SPOCK1: variants seen among roughly 807,000 people sequenced by gnomAD.
SPOCK1 encodes SPARC (osteonectin), cwcv and kazal like domains proteoglycan 1.
A neutral mutation model predicts 55.3 loss-of-function variants in SPOCK1; 23 were observed. The ratio of observed to expected loss-of-function variants is 0.42; its 90% CI spans 0.30 to 0.59. SPOCK1 has a LOEUF of 0.59. SPOCK1 is among the 20% of genes least tolerant of loss of function. The pLI is 0.22. For synonymous variants in SPOCK1, 226 were observed against 221.0 expected, an observed-to-expected ratio of 1.02 and a Z score of -0.20; for missense variants, 499 against 552.5, an observed-to-expected ratio of 0.90 and a Z score of 0.97.
At chr5:137,158,091 C>CT (rs1449357806) in intron 3 of SPOCK1, among the ~76,000 whole-genome samples, 1 of 152,154 alleles carries the variant, frequency 6.6e-6, no homozygotes, top group Admixed American at 6.5e-5. Flanking sequence ...TGCCACAAAA[C>CT]TTTATGGGCA....
intron 2 of SPOCK1, among the ~76,000 whole-genome samples, chr5:137,446,474 G>A (rs1361173461): frequency 6.6e-6 from 1 of 152,084 alleles, no homozygotes; most frequent in African/African-American, 2.4e-5. Flanking sequence ...GGTCTCAGCA[G>A]GATCCCACAG....
intron 2 of SPOCK1, among the ~76,000 whole-genome samples, chr5:137,330,353 G>A (rs907909540): frequency 6.6e-6 from 1 of 152,132 alleles, no homozygotes; most frequent in Non-Finnish European, 1.5e-5. Flanking sequence ...CGGCCAAAAT[G>A]CAGACTGACA....
rs137872426 is a variant in SPOCK1 at position 137,432,326 on chromosome 5, T to A, written c.186+66047A>T. Among the ~76,000 whole-genome samples, 257 of 152,360 alleles carry A rather than the reference T, an allele frequency of 1.7e-3. 3 individuals are homozygous for A. The East Asian group carries it at 0.036, about 22-fold the overall frequency. On this transcript the variant is annotated intron_variant, in intron 2 of 10. Transcript: ENST00000394945. ...ATACCCATGCTCATGGCAGGATTAT[T>A]CACAATAACCAAAAGGTAGAAACAA...
chr5:137,081,759 T>C (rs143092610), intron 5 of SPOCK1, among the ~76,000 whole-genome samples: 1 of 152,356 alleles, frequency 6.6e-6, no homozygotes, highest in African/African-American at 2.4e-5. Context: ...TTTTACTGCT[T>C]AGAGATGAAA....
rs74530153 is a variant in SPOCK1, at chr5:137,064,789, G to C, written c.589+2926C>G. On this transcript the variant is annotated intron_variant, in intron 6 of 10. Coordinates refer to ENST00000394945, the MANE Select transcript of SPOCK1 (RefSeq NM_004598.4). ...AAAGAGGTGTCAAATCAAAGGAAAA[G>C]GTCAGCCTTCTCTTGCTCAATTTTG... Among the ~76,000 whole-genome samples the C allele has an allele frequency of 7.4e-3, 1,131 of 152,252 alleles. 13 individuals carry two copies. The highest frequency in any genetic ancestry group is 0.025 in the African/African-American group (1,051 of 41,522).
chr5:137,022,237 T>C (rs1751591723), intron 6 of SPOCK1, among the ~76,000 whole-genome samples: 1 of 152,122 alleles, frequency 6.6e-6, no homozygotes, highest in Non-Finnish European at 1.5e-5. Context: ...GCTGCCAAGT[T>C]CTGAGGAAGC....
intron 6 of SPOCK1, among the ~76,000 whole-genome samples, chr5:137,037,304 A>G (rs985395283): frequency 1.3e-5 from 2 of 150,856 alleles, no homozygotes; most frequent in African/African-American, 4.9e-5. Flanking sequence ...GCACATAACA[A>G]TGTAGCCCTC....
chr5:137,006,631 T>C (rs1025347222), intron 6 of SPOCK1, among the ~76,000 whole-genome samples: 18 of 152,234 alleles, frequency 1.2e-4, no homozygotes, highest in African/African-American at 4.3e-4. Flanking sequence ...TATGCAGTCA[T>C]GTCATCTACA....
At chr5:137,374,423 C>T (rs966202810) in intron 2 of SPOCK1, among the ~76,000 whole-genome samples, 2 of 152,226 alleles carry the variant, frequency 1.3e-5, no homozygotes, top group African/African-American at 4.8e-5. Flanking sequence ...CAGTTCCACT[C>T]GTCAAGAGAG....
intron 6 of SPOCK1, 105 bp downstream of exon 6, chr5:137,067,610 A>C: frequency 1.1e-6 from 1 of 950,010 alleles, no homozygotes; most frequent in East Asian, 2.5e-5. Context: ...ATGTCTGCTC[A>C]TTTCTCCAGT....
chr5:137,021,989 T>C (rs1287054997), intron 6 of SPOCK1, among the ~76,000 whole-genome samples: 1 of 152,206 alleles, frequency 6.6e-6, no homozygotes, highest in Non-Finnish European at 1.5e-5. Context: ...TTTCAAAATA[T>C]GCTCTTCTTT....
At position 137,114,685 on chromosome 5, in the gene SPOCK1, C is replaced by T. The variant is rs540602968; in HGVS notation, c.348-2124G>A. On this transcript the variant is annotated intron_variant, in intron 4 of 10. Coordinates refer to ENST00000394945, the MANE Select transcript of SPOCK1 (RefSeq NM_004598.4). ...TCAGCATGGGGTTAATCTTAGGGTA[C>T]GTGATTCCTTCAGCAGAACACTAGA... Among the ~76,000 whole-genome samples, 361 of 152,288 alleles carry T rather than the reference C, an allele frequency of 2.4e-3. 1 individual carries two copies. Among genetic ancestry groups the T allele is most frequent in the Non-Finnish European group, 3.9e-3 (267 of 68,022 alleles).
At position 137,420,306 on chromosome 5, in the gene SPOCK1, C is replaced by T. The variant is rs1173131432; in HGVS notation, c.186+78067G>A. Among the ~76,000 whole-genome samples the T allele has an allele frequency of 3.7e-4, 57 of 152,068 alleles. 1 individual carries two copies. The highest frequency in any genetic ancestry group is 2.6e-4 in the Admixed American group (4 of 15,264). ...GCTTTGGTATCAGGATGATGCTGGCCTCATAAAATGAGTTAGGGAGGATTT... is the reference window on the plus strand; with the variant it reads ...GCTTTGGTATCAGGATGATGCTGGCTTCATAAAATGAGTTAGGGAGGATTT... On this transcript the variant is annotated intron_variant, in intron 2 of 10. Coordinates refer to ENST00000394945, the MANE Select transcript of SPOCK1 (RefSeq NM_004598.4).
At position 136,977,707 on chromosome 5, in the gene SPOCK1, G is replaced by C. The variant is rs530150645; in HGVS notation, c.*947C>G. The C allele has an allele frequency of 2.5e-6, 1 of 398,440 alleles. No homozygotes were observed. Among genetic ancestry groups the C allele is most frequent in the Admixed American group, 4.4e-5 (1 of 22,694 alleles). The allele number at this position is 398,440 out of a possible 1,614,324, so 24.7% of individuals were successfully genotyped here. A position where few individuals can be genotyped will look rare whatever the true frequency, so the allele number is the denominator to read the frequency against. On this transcript the variant is annotated 3_prime_UTR_variant, in exon 11 of 11. Coordinates refer to ENST00000394945, the MANE Select transcript of SPOCK1 (RefSeq NM_004598.4). ...GCCCGTGTCGTGTGGGAGTCGCATG[G>C]CTTCTGCGAGAAAAGTGATTTAGGC...
At chr5:137,348,324 A>T (rs1448534474) in intron 2 of SPOCK1, among the ~76,000 whole-genome samples, 1 of 152,204 alleles carries the variant, frequency 6.6e-6, no homozygotes. Context: ...GACCTGACTG[A>T]CAAATATTTA....
intron 2 of SPOCK1, among the ~76,000 whole-genome samples, chr5:137,402,061 T>C (rs546361035): frequency 7.8e-4 from 119 of 152,284 alleles, no homozygotes; most frequent in African/African-American, 2.8e-3. Flanking sequence ...TCTATCTCCC[T>C]CTCAAGGAGC....
intron 3 of SPOCK1, among the ~76,000 whole-genome samples, chr5:137,192,751 A>C (rs1394442005): frequency 6.6e-6 from 1 of 152,258 alleles, no homozygotes; most frequent in Non-Finnish European, 1.5e-5. Context: ...AATGAGCTAG[A>C]ACTGCATGAA....
chr5:137,404,104 G>GT (rs1272208683), intron 2 of SPOCK1, among the ~76,000 whole-genome samples: 1 of 152,164 alleles, frequency 6.6e-6, no homozygotes, highest in Non-Finnish European at 1.5e-5. Context: ...CTCACTGAGC[G>GT]TATCCACACT....
At chr5:137,053,171 C>A (rs1752237457) in intron 6 of SPOCK1, among the ~76,000 whole-genome samples, 1 of 152,144 alleles carries the variant, frequency 6.6e-6, no homozygotes, top group African/African-American at 2.4e-5. Context: ...AGAAGCATGA[C>A]CTCTGAGCCA....
Sources: allele counts gnomAD v4.1 joint callset (sites outside exome capture counted in the v4.1 genomes callset), GRCh38; gene constraint gnomAD v4.1.1; transcripts MANE v1.5; gene names NCBI Gene and HGNC (gene_info 2026-07-23, HGNC 2026-07-21).